OCA2: variants seen among roughly 807,000 people sequenced by gnomAD.
The protein encoded by OCA2 is OCA2 melanosomal transmembrane protein.
OCA2 carries 77 observed loss-of-function variants against 100.2 expected under a neutral mutation model. The observed-to-expected ratio is 0.77, with a 90% CI of 0.64 to 0.93. The LOEUF (loss-of-function observed/expected upper bound fraction) is 0.93. Ranked by LOEUF, OCA2 falls within the 40% of genes least tolerant of loss-of-function variation. The probability of loss-of-function intolerance (pLI) is 0.00; values close to 1 mark genes in which losing one functional copy is unlikely to be tolerated. For synonymous variants in OCA2, 432 were observed against 439.2 expected (o/e 0.98, Z 0.21); for missense variants, 1,062 against 1,089.1 (o/e 0.98, Z 0.35).
chr15:27,752,532 A>T (rs2150964708), downstream of OCA2, among the ~76,000 whole-genome samples: 1 of 152,298 alleles, frequency 6.6e-6, no homozygotes, highest in Non-Finnish European at 1.5e-5. Flanking sequence ...CAGTACATAA[A>T]GCTGAGTATC....
Position 27,755,327 on chromosome 15 carries a change from T to A in OCA2, c.*61A>T, listed in dbSNP as rs2030255394. The A allele has an allele frequency of 7.7e-7, 1 of 1,293,150 alleles. No homozygotes were observed. Among genetic ancestry groups the A allele is most frequent in the African/African-American group, 1.5e-5 (1 of 68,644 alleles). The allele number at this position is 1,293,150 out of a possible 1,614,324, so 80.1% of individuals were successfully genotyped here. On this transcript the variant is annotated 3_prime_UTR_variant, in exon 24 of 24. Transcript: ENST00000354638. ...AAACAGTGGGGTCAGGGTAGTTTTA[T>A]GACTAATGGGTTGTGATGGATGAAG...
chr15:27,882,741 T>A (rs1411310687), intron 19 of OCA2, among the ~76,000 whole-genome samples: 2 of 152,244 alleles, frequency 1.3e-5, no homozygotes, highest in East Asian at 1.9e-4. Flanking sequence ...ACAATTTCTG[T>A]CACACTTTCT....
Position 28,081,712 on chromosome 15 carries a change from C to A in OCA2, c.163G>T (p.Ala55Ser), listed in dbSNP as rs749418896. The change falls in exon 2 of 24, where the codon GCT becomes TCT. Residue 55 changes from alanine (A) to serine (S), a missense_variant. Transcript: ENST00000354638. ...ADPSHSCPRG[A>S]AGQSSWAPAG... ...GGAGCCCAAGAGCTCTGCCCGGCAG[C>A]CCCCCTGGGGCAGGAGTGCGAGGGG... 6.2e-7 allele frequency: 1 copy of A among 1,613,776 alleles called. No individual in the cohort carries two copies. The highest frequency in any genetic ancestry group is 8.5e-7 in the Non-Finnish European group (1 of 1,179,930).
rs573619877 is a variant in OCA2, at chr15:28,034,632, G to A, written c.228-2469C>T. On this transcript the variant is annotated intron_variant, in intron 2 of 23. Coordinates refer to ENST00000354638, the MANE Select transcript of OCA2 (RefSeq NM_000275.3). ...CTCTAAAAAAATTCAAAAATTAGCC[G>A]GGTGTGGTGGTGTACTCCTGTAGTC... Among the ~76,000 whole-genome samples the A allele has an allele frequency of 2.0e-5, 3 of 152,142 alleles. No homozygotes were observed. The South Asian group carries it at 6.2e-4, about 32-fold the overall frequency.
At chr15:27,939,243 G>T (rs2039563422) in intron 18 of OCA2, among the ~76,000 whole-genome samples, 1 of 152,218 alleles carries the variant, frequency 6.6e-6, no homozygotes, top group South Asian at 2.1e-4. Context: ...ACTATTTTAG[G>T]TCTCAATATC....
At chr15:27,800,034 T>C (rs1007526678) in intron 23 of OCA2, among the ~76,000 whole-genome samples, 3 of 152,196 alleles carry the variant, frequency 2.0e-5, no homozygotes, top group Admixed American at 6.5e-5. Context: ...TTAAATTAGA[T>C]ATTAATAGCA....
the OCA2 span, among the ~76,000 whole-genome samples, chr15:27,727,910 G>GTT: frequency 6.6e-6 from 1 of 152,168 alleles, no homozygotes; most frequent in Non-Finnish European, 1.5e-5. Context: ...CTCCTTTGCT[G>GTT]TTTAAGACAA....
At chr15:28,032,429 C>T (rs1397233192) in intron 2 of OCA2, among the ~76,000 whole-genome samples, 1 of 152,198 alleles carries the variant, frequency 6.6e-6, no homozygotes, top group African/African-American at 2.4e-5. Flanking sequence ...TTTAGGCTCA[C>T]TTTTGCATTA....
intron 19 of OCA2, among the ~76,000 whole-genome samples, chr15:27,918,315 C>A (rs2038740689): frequency 6.6e-6 from 1 of 152,088 alleles, no homozygotes; most frequent in African/African-American, 2.4e-5. Context: ...CATGATCCAC[C>A]TGCCTCGGCC....
At chr15:28,080,070 C>T (rs1300380430) in intron 2 of OCA2, among the ~76,000 whole-genome samples, 2 of 152,242 alleles carry the variant, frequency 1.3e-5, no homozygotes, top group African/African-American at 2.4e-5. Flanking sequence ...TGAACATTAC[C>T]TTCCATCACT....
At chr15:27,808,095 G>A (rs542907423) in intron 23 of OCA2, among the ~76,000 whole-genome samples, 17 of 152,374 alleles carry the variant, frequency 1.1e-4, no homozygotes, top group African/African-American at 3.8e-4. Context: ...GCCCCAGAGG[G>A]CATCCCAGTC....
intron 2 of OCA2, among the ~76,000 whole-genome samples, chr15:28,074,976 A>ATATAT (rs2044387034): frequency 3.3e-5 from 5 of 152,276 alleles, no homozygotes; most frequent in African/African-American, 1.2e-4. Flanking sequence ...GACATCTATA[A>ATATAT]GCAAAATATA....
chr15:27,874,745 C>G (rs2036717992), intron 19 of OCA2, among the ~76,000 whole-genome samples: 1 of 152,024 alleles, frequency 6.6e-6, no homozygotes. Context: ...GACATTAAAC[C>G]ACTAAAAATA....
At chr15:27,981,535 A>G in intron 14 of OCA2, among the ~76,000 whole-genome samples, 1 of 152,226 alleles carries the variant, frequency 6.6e-6, no homozygotes, top group East Asian at 1.9e-4. Context: ...GTGGAAGCAG[A>G]GCAGTGTTCA....
the OCA2 span, among the ~76,000 whole-genome samples, chr15:27,722,727 CTT>C: frequency 5.1e-5 from 2 of 39,482 alleles, no homozygotes; most frequent in Admixed American, 6.9e-4. Context: ...TCTCTTTCTT[CTT>C]TCTTTCTTTC....
intron 9 of OCA2, among the ~76,000 whole-genome samples, chr15:28,014,343 C>T (rs908902701): frequency 2.6e-5 from 4 of 152,122 alleles, no homozygotes; most frequent in African/African-American, 9.7e-5. Context: ...ATAATCCCTC[C>T]GGGCACACAG....
At chr15:27,934,963 TC>T (rs1168145797) in intron 18 of OCA2, among the ~76,000 whole-genome samples, 1 of 152,134 alleles carries the variant, frequency 6.6e-6, no homozygotes, top group Non-Finnish European at 1.5e-5. Context: ...TATTGCCTGG[TC>T]CTGCTCTGAG....
chr15:27,745,359 ATAT>A, the OCA2 span, among the ~76,000 whole-genome samples: 2 of 152,216 alleles, frequency 1.3e-5, no homozygotes, highest in Admixed American at 6.5e-5. Flanking sequence ...GCAAGAATCA[ATAT>A]TATTATACTT....
chr15:27,950,686 C>T (rs1447550440), intron 18 of OCA2: 12 of 303,094 alleles, frequency 4.0e-5, no homozygotes, highest in South Asian at 1.3e-4. Context: ...TCTAGAAATG[C>T]GGCTTTTTTA....
Sources: gnomAD v4.1 joint callset for allele counts (sites outside exome capture counted in the v4.1 genomes callset) on GRCh38, gnomAD v4.1.1 for gene constraint, MANE v1.5 for transcripts, NCBI Gene and HGNC (gene_info 2026-07-23, HGNC 2026-07-21) for gene names.